Variants in FAM120A observed in about 807,000 individuals in gnomAD.
The protein encoded by FAM120A is family with sequence similarity 120 member A, also known as constitutive coactivator of PPAR-gamma-like protein 1.
Under a neutral mutation model 109.7 loss-of-function variants are expected in FAM120A, and 15 were observed. The observed-to-expected ratio is 0.14, with a 90% CI of 0.09 to 0.21. The LOEUF is 0.21. Among genes scored for constraint, FAM120A ranks in the 10% least tolerant of loss-of-function variants. The pLI is 1.00. For missense variants in FAM120A, 899 were observed against 1,439.3 expected, an observed-to-expected ratio of 0.62 and a Z score of 6.07; for synonymous variants, 493 against 572.8, an observed-to-expected ratio of 0.86 and a Z score of 1.99.
chr9:93,560,516 CA>C (rs1862432835), intron 15 of FAM120A, among the ~76,000 whole-genome samples: 1 of 152,172 alleles, frequency 6.6e-6, no homozygotes, highest in African/African-American at 2.4e-5. Flanking sequence ...TGTCAGAAAA[CA>C]AGATGCTTGG....
Position 93,500,052 on chromosome 9 carries a change from A to G in FAM120A, c.1030+1166A>G, listed in dbSNP as rs774916825. Among the ~76,000 whole-genome samples the G allele has an allele frequency of 6.5e-4, 99 of 152,236 alleles. No homozygotes were observed. Among genetic ancestry groups the G allele is most frequent in the Non-Finnish European group, 1.2e-3 (81 of 68,032 alleles). ...TAGGGCTTGTAACCTGGAGATGGGC[A>G]TGGAGTGGCTGAATCTCCACTGCGA... On this transcript the variant is annotated intron_variant, in intron 5 of 17. Coordinates refer to ENST00000277165, the MANE Select transcript of FAM120A (RefSeq NM_014612.5). This position sits in a 1 kb window ranked among gnomAD's most constrained non-coding sequence, Gnocchi z 4.6.
chr9:93,461,569 CTAAA>C (rs1857792472), intron 1 of FAM120A, among the ~76,000 whole-genome samples: 1 of 152,062 alleles, frequency 6.6e-6, no homozygotes, highest in Non-Finnish European at 1.5e-5. Context: ...CTAGAGTAGG[CTAAA>C]TAGATTCTGA....
chr9:93,458,155 C>T (rs1265010171), intron 1 of FAM120A, among the ~76,000 whole-genome samples: 1 of 151,416 alleles, frequency 6.6e-6, no homozygotes, highest in Non-Finnish European at 1.5e-5. Flanking sequence ...CTTCACCTCT[C>T]TCATCTGGCA....
chr9:93,516,314 C>T, intron 7 of FAM120A, 45 bp downstream of exon 7: 2 of 1,593,774 alleles, frequency 1.3e-6, no homozygotes, highest in Non-Finnish European at 1.7e-6. Context: ...CGGGTAGTGA[C>T]CTGGGGAAGC....
chr9:93,471,616 G>T (rs1352819343), intron 2 of FAM120A, among the ~76,000 whole-genome samples: 1 of 152,130 alleles, frequency 6.6e-6, no homozygotes, highest in Admixed American at 6.5e-5. Flanking sequence ...TCCAGGAATT[G>T]TTCAGATTAA....
chr9:93,526,871 C>T (rs563014167), intron 7 of FAM120A, among the ~76,000 whole-genome samples: 2 of 152,338 alleles, frequency 1.3e-5, no homozygotes, highest in South Asian at 4.1e-4. Flanking sequence ...GCCTTTGTTT[C>T]CTCTGCATCC....
At chr9:93,455,094 A>G (rs529952000) in intron 1 of FAM120A, among the ~76,000 whole-genome samples, 14 of 152,380 alleles carry the variant, frequency 9.2e-5, no homozygotes, top group African/African-American at 3.4e-4. Flanking sequence ...TCAAATGTCC[A>G]TAGCAGCTTA....
At chr9:93,499,981 T>C (rs747862890) in intron 5 of FAM120A, among the ~76,000 whole-genome samples, 1 of 152,202 alleles carries the variant, frequency 6.6e-6, no homozygotes, top group Non-Finnish European at 1.5e-5. Flanking sequence ...GGCTGGGTGG[T>C]GGACAGGGAA....
At chr9:93,493,885 C>T (rs1402674082) in intron 3 of FAM120A, among the ~76,000 whole-genome samples, 2 of 152,210 alleles carry the variant, frequency 1.3e-5, no homozygotes, top group Admixed American at 6.5e-5. Context: ...GCTCCTGGAG[C>T]GCTCTCTCAG....
chr9:93,514,808 C>T (rs10121548), intron 5 of FAM120A, among the ~76,000 whole-genome samples: 3,429 of 152,302 alleles, frequency 0.023, 127 homozygotes, highest in African/African-American at 0.077. Flanking sequence ...TGTTGGCTGA[C>T]GTGGCCCCTG....
At chr9:93,522,832 T>G (rs1336318581) in intron 7 of FAM120A, among the ~76,000 whole-genome samples, 1 of 152,236 alleles carries the variant, frequency 6.6e-6, no homozygotes, top group East Asian at 1.9e-4. Context: ...TTTTTGCTAA[T>G]GACATGTACT....
At chr9:93,474,241 G>A (rs1858447271) in intron 2 of FAM120A, among the ~76,000 whole-genome samples, 1 of 152,076 alleles carries the variant, frequency 6.6e-6, no homozygotes, top group Non-Finnish European at 1.5e-5. Flanking sequence ...AGGCTGGAGT[G>A]CAGTGGTGCG....
At chr9:93,454,792 C>T (rs546025234) in intron 1 of FAM120A, among the ~76,000 whole-genome samples, 28 of 152,190 alleles carry the variant, frequency 1.8e-4, no homozygotes, top group African/African-American at 5.8e-4. Context: ...ACAGTGTATA[C>T]CATTTAATAA....
chr9:93,550,394 C>T (rs1358367516), intron 11 of FAM120A, among the ~76,000 whole-genome samples, 183 bp from the exon 12 acceptor site: 1 of 152,164 alleles, frequency 6.6e-6, no homozygotes, highest in Non-Finnish European at 1.5e-5. Flanking sequence ...ATTCTGACAT[C>T]CTGTTTTCAT....
At chr9:93,560,247 T>C (rs903025107) in intron 15 of FAM120A, among the ~76,000 whole-genome samples, 11 of 152,168 alleles carry the variant, frequency 7.2e-5, no homozygotes, top group Non-Finnish European at 1.3e-4. Context: ...TGAGCCGTGA[T>C]TGTGCCACTG....
At chr9:93,465,638 A>G (rs529236189) in intron 1 of FAM120A, among the ~76,000 whole-genome samples, 6 of 152,182 alleles carry the variant, frequency 3.9e-5, no homozygotes, top group Non-Finnish European at 7.3e-5. Flanking sequence ...GATAGTACAG[A>G]CTTCCCAAAT....
rs1382000569 is a variant in FAM120A, at chr9:93,529,595, G to C, written c.1734+15G>C. 1 of 1,610,772 alleles carries C rather than the reference G, an allele frequency of 6.2e-7. No individual in the cohort carries two copies. The highest frequency in any genetic ancestry group is 8.5e-7 in the Non-Finnish European group (1 of 1,177,042). On this transcript the variant is annotated intron_variant, in intron 9 of 17. Transcript: ENST00000277165. ...TCCTGACGAAGGTATTATCAAAGGG[G>C]CCCTGGAGTGGCTTCTGTTATTTGA...
chr9:93,456,975 A>G (rs761679600), intron 1 of FAM120A, among the ~76,000 whole-genome samples: 17 of 152,202 alleles, frequency 1.1e-4, no homozygotes, highest in Non-Finnish European at 2.1e-4. Flanking sequence ...GTCACTGTAT[A>G]TATTTCTCTG....
rs1306368354 is a variant in FAM120A at position 93,561,743 on chromosome 9, GTAATTATT to G, written c.2949-458_2949-451del. The stretch of plus-strand genomic sequence containing the variant: ...CATAGGATCCCATTTATAGTATTAT[GTAATTATT>G]TAATTAACCATTAAATAATTAACAA... On this transcript the variant is annotated intron_variant, in intron 16 of 17. Coordinates refer to ENST00000277165, the MANE Select transcript of FAM120A (RefSeq NM_014612.5). Among the ~76,000 whole-genome samples the G allele has an allele frequency of 2.2e-4, 34 of 152,150 alleles. No individual in the cohort carries two copies. The South Asian group carries it at 6.8e-3, about 31-fold the overall frequency.
Sources: gnomAD v4.1 joint callset for allele counts (sites outside exome capture counted in the v4.1 genomes callset) on GRCh38, gnomAD v4.1.1 for gene constraint, Gnocchi (gnomAD v3.1) non-coding constraint, MANE v1.5 for transcripts, NCBI Gene and HGNC (gene_info 2026-07-23, HGNC 2026-07-21) for gene names.